The following COG2 variants were observed in gnomAD, a reference collection of about 807,000 sequenced individuals.
The protein encoded by COG2 is conserved oligomeric Golgi complex subunit 2.
Under a neutral mutation model 90.6 loss-of-function variants are expected in COG2, and 52 were observed. The observed-to-expected ratio is 0.57, with a 90% CI of 0.46 to 0.72. The LOEUF (loss-of-function observed/expected upper bound fraction) is 0.72, where lower values mean the gene tolerates loss of function less well. COG2 is among the 30% of genes least tolerant of loss of function. The probability of loss-of-function intolerance (pLI) is 0.00; values close to 1 mark genes in which losing one functional copy is unlikely to be tolerated. For synonymous variants in COG2, 337 were observed against 320.4 expected, an observed-to-expected ratio of 1.05 and a Z score of -0.55; for missense variants, 829 against 891.2, an observed-to-expected ratio of 0.93 and a Z score of 0.89.
chr1:230,693,378 A>G lies in COG2; in HGVS notation c.2202A>G (p.Thr734=). 6.2e-7 allele frequency: 1 copy of G among 1,611,814 alleles called. No homozygotes were observed. Among genetic ancestry groups the G allele is most frequent in the South Asian group, 1.1e-5 (1 of 90,748 alleles). The change falls in exon 18 of 18, where the codon ACA becomes ACG. Residue 734 remains threonine (T), a synonymous_variant. Coordinates refer to ENST00000366669, the MANE Select transcript of COG2 (RefSeq NM_007357.3). ...TTGCTGCTGCCAAGGACCAGGCAAC[A>G]GCAGAGCAGCCTTAAGCATCTTGGA... is the stretch of plus-strand genomic sequence containing the variant. The part of the protein sequence containing the change: ...ELVAAAKDQA[T]AEQP
chr1:230,692,174 CA>C (rs2102777649), intron 17 of COG2, among the ~76,000 whole-genome samples: 1 of 151,924 alleles, frequency 6.6e-6, no homozygotes, highest in African/African-American at 2.4e-5. Flanking sequence ...ACTGTGAGGA[CA>C]GTATCATAAA....
chr1:230,669,043 A>G, intron 6 of COG2: 1 of 454,160 alleles, frequency 2.2e-6, no homozygotes, highest in Non-Finnish European at 3.9e-6. Flanking sequence ...TGATGTAGAC[A>G]ATTAATTTAT....
At chr1:230,672,937 G>A (rs1214665161) in intron 8 of COG2, among the ~76,000 whole-genome samples, 1 of 152,154 alleles carries the variant, frequency 6.6e-6, no homozygotes, top group African/African-American at 2.4e-5. Flanking sequence ...AATGTATTTG[G>A]CCTTGAGTTT....
intron 1 of COG2, among the ~76,000 whole-genome samples, chr1:230,659,128 TTTACA>T (rs1662126510): frequency 6.6e-6 from 1 of 152,208 alleles, no homozygotes; most frequent in African/African-American, 2.4e-5. Flanking sequence ...GTTTGAAAGT[TTTACA>T]TTGAACATTT....
At chr1:230,667,721 C>T (rs1283846904) in intron 5 of COG2, among the ~76,000 whole-genome samples, 2 of 152,128 alleles carry the variant, frequency 1.3e-5, no homozygotes, top group Non-Finnish European at 2.9e-5. Flanking sequence ...AGTTTGGATG[C>T]TACAAATACA....
rs529069969 is a variant in COG2 at position 230,642,589 on chromosome 1, G to C, written c.-18G>C. On this transcript the variant is annotated 5_prime_UTR_variant, in exon 1 of 18. Coordinates refer to ENST00000366669, the MANE Select transcript of COG2 (RefSeq NM_007357.3). The stretch of plus-strand genomic sequence containing the variant: ...TTTCTCGCTTGGATCTTGGCACTGA[G>C]AGGCGGTGGCCGGCGGGATGGAGAA... The C allele has an allele frequency of 6.2e-7, 1 of 1,608,938 alleles. No homozygotes were observed. The highest frequency in any genetic ancestry group is 1.7e-5 in the Admixed American group (1 of 59,466).
chr1:230,685,833 C>T (rs574577897), intron 12 of COG2, among the ~76,000 whole-genome samples: 45 of 152,274 alleles, frequency 3.0e-4, no homozygotes, highest in African/African-American at 1.1e-3. Flanking sequence ...GCTGGGACCT[C>T]GGATTGCAGT....
intron 10 of COG2, chr1:230,683,361 CAG>C (rs989442576): frequency 2.1e-5 from 10 of 468,086 alleles, no homozygotes; most frequent in Middle Eastern, 1.2e-3. Context: ...CTGCAAATAA[CAG>C]AGAACCCTTA....
chr1:230,649,353 G>A (rs1337820303), intron 1 of COG2, among the ~76,000 whole-genome samples: 1 of 152,164 alleles, frequency 6.6e-6, no homozygotes, highest in Non-Finnish European at 1.5e-5. Flanking sequence ...AGGGGCTGGA[G>A]GGAAGAGCTC....
intron 1 of COG2, 24 bp downstream of exon 1, chr1:230,642,702 G>A: frequency 6.2e-7 from 1 of 1,606,338 alleles, no homozygotes; most frequent in South Asian, 1.1e-5. Flanking sequence ...CCGCTCCCCG[G>A]AGCCGGGCCA....
At chr1:230,645,653 T>C (rs1661752035) in intron 1 of COG2, among the ~76,000 whole-genome samples, 1 of 152,194 alleles carries the variant, frequency 6.6e-6, no homozygotes. Flanking sequence ...ACTTTATTTC[T>C]ATAATTATTA....
chr1:230,660,961 TCAGAAAAG>T, intron 3 of COG2, 138 bp downstream of exon 3: 4 of 461,112 alleles, frequency 8.7e-6, no homozygotes, highest in Non-Finnish European at 1.5e-5. Flanking sequence ...ATACTCATCC[TCAGAAAAG>T]TTGTAAATCC....
At chr1:230,661,475 C>T (rs917115916) in intron 3 of COG2, 4 of 152,260 alleles carry the variant, frequency 2.6e-5, no homozygotes, top group Non-Finnish European at 5.9e-5. Flanking sequence ...ACCCCACAGT[C>T]TGTGTCAGGC....
At position 230,690,078 on chromosome 1, in the gene COG2, G is replaced by A. The variant is rs1185787505; in HGVS notation, c.1859G>A (p.Ser620Asn). 1 of 1,613,434 alleles carries A rather than the reference G, an allele frequency of 6.2e-7. No homozygotes were observed. Among genetic ancestry groups the A allele is most frequent in the South Asian group, 1.1e-5 (1 of 90,854 alleles). Residue 620 changes from serine (S) to asparagine (N), a missense_variant, in exon 16 of 18, where the codon AGC (serine) becomes AAC (asparagine). By Grantham distance (46) the Ser-to-Asn change is conservative (BLOSUM62 1). Transcript: ENST00000366669. Reference sequence around the variant, plus strand: ...CTGAAGCCCTTATTCCAGCTTCAGAGCGGACACAAGGATAAGCTCAAACAA... The same window carrying A: ...CTGAAGCCCTTATTCCAGCTTCAGAACGGACACAAGGATAAGCTCAAACAA... ...SALKPLFQLQ[S>N]GHKDKLKQAI...
intron 1 of COG2, among the ~76,000 whole-genome samples, chr1:230,651,088 G>T (rs928667635): frequency 6.6e-6 from 1 of 151,944 alleles, no homozygotes; most frequent in African/African-American, 2.4e-5. Flanking sequence ...TTTTGTATTG[G>T]TGTTTATCTC....
At chr1:230,657,355 G>C (rs1386088424) in intron 1 of COG2, among the ~76,000 whole-genome samples, 1 of 152,126 alleles carries the variant, frequency 6.6e-6, no homozygotes, top group Non-Finnish European at 1.5e-5. Flanking sequence ...GAAATTCTGG[G>C]TTGAAAATTG....
At chr1:230,654,308 G>A (rs1273615429) in intron 1 of COG2, among the ~76,000 whole-genome samples, 1 of 152,068 alleles carries the variant, frequency 6.6e-6, no homozygotes, top group East Asian at 1.9e-4. Flanking sequence ...GTAAGGAAGG[G>A]GTCCAGTTTC....
chr1:230,673,628 A>G (rs1662512686), intron 8 of COG2, among the ~76,000 whole-genome samples: 3 of 152,144 alleles, frequency 2.0e-5, no homozygotes, highest in Admixed American at 6.5e-5. Flanking sequence ...GGAGTCCTCA[A>G]TTTTGTGCTT....
rs182580653 is a variant in COG2 at position 230,664,507 on chromosome 1, A to G, written c.405A>G (p.Gln135=). The G allele has an allele frequency of 4.4e-5, 69 of 1,552,518 alleles. No homozygotes were observed. In the African/African-American group the frequency reaches 7.0e-4, roughly 16 times the overall value. The change falls in exon 5 of 18, where the codon CAA becomes CAG. Residue 135 remains glutamine, a synonymous_variant. Coordinates refer to ENST00000366669, the MANE Select transcript of COG2 (RefSeq NM_007357.3). The part of the protein sequence containing the change: ...KKKMCVLRLI[Q]VIRSVEKIEK... The stretch of plus-strand genomic sequence containing the variant: ...AGATGTGTGTATTGAGGCTTATACA[A>G]GTTATTCGGTCAGTTGAGAAAATTG...
Sources: gnomAD v4.1 joint callset for allele counts (sites outside exome capture counted in the v4.1 genomes callset) on GRCh38, gnomAD v4.1.1 for gene constraint, MANE v1.5 for transcripts, NCBI Gene and HGNC (gene_info 2026-07-23, HGNC 2026-07-21) for gene names.